NTRK3: variants seen among roughly 807,000 people sequenced by gnomAD.
NTRK3 encodes NT-3 growth factor receptor.
NTRK3 carries 24 observed loss-of-function variants against 91.7 expected under a neutral mutation model. The observed-to-expected ratio is 0.26, with a 90% CI of 0.19 to 0.37. The LOEUF (loss-of-function observed/expected upper bound fraction) is 0.37, where lower values mean the gene tolerates loss of function less well. NTRK3 is among the 10% of genes least tolerant of loss of function. The pLI is 1.00. For missense variants in NTRK3, 880 were observed against 1,068.9 expected (o/e 0.82, Z 2.46); for synonymous variants, 483 against 404.0 (o/e 1.20, Z -2.34).
intron 15 of NTRK3, among the ~76,000 whole-genome samples, chr15:87,935,293 C>T (rs2069171094): frequency 6.6e-6 from 1 of 152,152 alleles, no homozygotes; most frequent in South Asian, 2.1e-4. Flanking sequence ...GAGGATAGGG[C>T]AAGGACATGT....
chr15:88,127,277 A>G (rs1269644191), intron 11 of NTRK3, 51 bp from the exon 12 acceptor site: 1 of 1,510,952 alleles, frequency 6.6e-7, no homozygotes, highest in South Asian at 1.1e-5. Context: ...CCGGCTGGGG[A>G]GGCTCAGCCA....
At chr15:88,142,879 C>T (rs1041128742) in intron 6 of NTRK3, among the ~76,000 whole-genome samples, 1 of 152,150 alleles carries the variant, frequency 6.6e-6, no homozygotes, top group Non-Finnish European at 1.5e-5. Flanking sequence ...GATAAGATCA[C>T]TCTCGATTTC....
At chr15:88,129,758 G>C (rs2053627878) in intron 10 of NTRK3, among the ~76,000 whole-genome samples, 2 of 152,132 alleles carry the variant, frequency 1.3e-5, no homozygotes, top group African/African-American at 4.8e-5. Flanking sequence ...GCCAAATGTA[G>C]GATCATTTAA....
chr15:88,056,203 T>TATATATATATATATATA (rs554008074), intron 13 of NTRK3, among the ~76,000 whole-genome samples: 1 of 60,214 alleles, frequency 1.7e-5, no homozygotes, highest in African/African-American at 7.1e-5. Context: ...TATATATATA[T>TATATATATATATATATA]TTTTTTTTTA....
chr15:88,003,082 G>A (rs2076232834), intron 14 of NTRK3, among the ~76,000 whole-genome samples: 1 of 152,192 alleles, frequency 6.6e-6, no homozygotes, highest in African/African-American at 2.4e-5. Flanking sequence ...TTGAGAAGAA[G>A]CAAGAAAGAT....
intron 14 of NTRK3, among the ~76,000 whole-genome samples, chr15:88,014,376 T>C (rs1269227296): frequency 6.6e-6 from 1 of 152,216 alleles, no homozygotes; most frequent in Non-Finnish European, 1.5e-5. Flanking sequence ...TTTAATATCA[T>C]TGAACTATGT....
chr15:87,998,468 G>A (rs546463455), intron 14 of NTRK3, among the ~76,000 whole-genome samples: 2 of 152,370 alleles, frequency 1.3e-5, no homozygotes, highest in East Asian at 3.9e-4. Flanking sequence ...AGCTTCAGAT[G>A]TCTATACAGT....
intron 14 of NTRK3, among the ~76,000 whole-genome samples, chr15:87,969,352 T>C (rs1223256122): frequency 6.6e-6 from 1 of 152,164 alleles, no homozygotes; most frequent in Non-Finnish European, 1.5e-5. Context: ...TGTGCAAATA[T>C]CATTTCCAGA....
intron 3 of NTRK3, among the ~76,000 whole-genome samples, chr15:88,192,456 C>T (rs1012555976): frequency 2.6e-5 from 4 of 152,164 alleles, no homozygotes; most frequent in South Asian, 2.1e-4. Context: ...TCCCGGTAAC[C>T]ACCACCTATT....
chr15:88,092,007 C>T (rs912952330), intron 13 of NTRK3, among the ~76,000 whole-genome samples: 12 of 152,194 alleles, frequency 7.9e-5, no homozygotes, highest in Admixed American at 3.9e-4. Context: ...AAATTACTTG[C>T]AACCCATCTC....
At chr15:87,976,656 T>C (rs2073744019) in intron 14 of NTRK3, among the ~76,000 whole-genome samples, 2 of 152,234 alleles carry the variant, frequency 1.3e-5, no homozygotes, top group Admixed American at 6.5e-5. Context: ...GGTGCACAGA[T>C]GTGCCAGTTC....
intron 17 of NTRK3, among the ~76,000 whole-genome samples, chr15:87,910,642 G>C (rs943665869): frequency 2.0e-5 from 3 of 152,178 alleles, no homozygotes; most frequent in South Asian, 4.1e-4. Context: ...GTGAGTGCAT[G>C]AGGTTTGCAA....
At chr15:88,179,330 T>C (rs915315619) in intron 5 of NTRK3, among the ~76,000 whole-genome samples, 1 of 152,214 alleles carries the variant, frequency 6.6e-6, no homozygotes, top group Non-Finnish European at 1.5e-5. Context: ...AGTGGAAAGA[T>C]TCCTGGAAAG....
chr15:88,163,986 C>G (rs1357007586), intron 5 of NTRK3, among the ~76,000 whole-genome samples: 1 of 152,178 alleles, frequency 6.6e-6, no homozygotes, highest in Non-Finnish European at 1.5e-5. Flanking sequence ...TTTGTTTTCT[C>G]TATCTTAAAA....
intron 14 of NTRK3, among the ~76,000 whole-genome samples, chr15:87,955,626 A>G (rs1204935778): frequency 1.3e-5 from 2 of 152,190 alleles, no homozygotes; most frequent in Non-Finnish European, 2.9e-5. Context: ...GAGGATGAAG[A>G]GAGCTGGAAA....
intron 3 of NTRK3, 25 bp from the exon 4 acceptor site, chr15:88,184,324 G>C (rs199751794): frequency 3.7e-6 from 6 of 1,611,240 alleles, no homozygotes; most frequent in Middle Eastern, 1.7e-4. Context: ...GAAAGGTAAC[G>C]GTCAGCCAGA....
chr15:87,999,337 C>T (rs2075934652), intron 14 of NTRK3, among the ~76,000 whole-genome samples: 1 of 152,176 alleles, frequency 6.6e-6, no homozygotes, highest in African/African-American at 2.4e-5. Flanking sequence ...TGCCCAGAGC[C>T]AGATCTCTAA....
chr15:87,979,467 T>C (rs763588884), intron 14 of NTRK3: 5 of 1,578,370 alleles, frequency 3.2e-6, no homozygotes, highest in Non-Finnish European at 4.3e-6. Flanking sequence ...CTGAAACCTA[T>C]AAAAAACAAA....
chr15:88,190,659 T>C (rs2047313557), intron 3 of NTRK3, among the ~76,000 whole-genome samples: 1 of 152,218 alleles, frequency 6.6e-6, no homozygotes, highest in Non-Finnish European at 1.5e-5. Flanking sequence ...CTGCAGCCTC[T>C]TGGAGCCCAA....
Sources: allele counts gnomAD v4.1 joint callset (sites outside exome capture counted in the v4.1 genomes callset), GRCh38; gene constraint gnomAD v4.1.1; transcripts MANE v1.5; gene names NCBI Gene and HGNC (gene_info 2026-07-23, HGNC 2026-07-21).